Variants in SPAG16 observed in about 807,000 individuals in gnomAD.
SPAG16 encodes the protein sperm associated antigen 16, also known as sperm-associated antigen 16 protein.
SPAG16 carries 86 observed loss-of-function variants against 80.4 expected under a neutral mutation model. The ratio of observed to expected loss-of-function variants is 1.07; its 90% CI spans 0.90 to 1.28. The LOEUF (loss-of-function observed/expected upper bound fraction) is 1.28. Ranked by LOEUF, SPAG16 falls within the 50% of genes most tolerant of loss-of-function variation. The pLI, the probability that SPAG16 is intolerant of heterozygous loss-of-function variation, is 0.00. For missense variants in SPAG16, 870 were observed against 765.3 expected (o/e 1.14, Z -1.61); for synonymous variants, 294 against 265.9 (o/e 1.11, Z -1.03).
intron 4 of SPAG16, 40 bp downstream of exon 4, chr2:213,310,217 A>C (rs541373774): frequency 1.5e-6 from 2 of 1,348,476 alleles, no homozygotes; most frequent in South Asian, 2.5e-5. Flanking sequence ...TTAAAATTCT[A>C]ACATTTAACA....
chr2:213,512,570 G>A (rs545153304), intron 10 of SPAG16, among the ~76,000 whole-genome samples: 2 of 151,692 alleles, frequency 1.3e-5, no homozygotes, highest in East Asian at 1.9e-4. Context: ...CTAAAAATTC[G>A]GCTAGGAGAC....
chr2:213,572,567 G>C (rs2059951856), intron 10 of SPAG16, among the ~76,000 whole-genome samples: 1 of 152,134 alleles, frequency 6.6e-6, no homozygotes, highest in African/African-American at 2.4e-5. Context: ...AGGAGTCAGG[G>C]ACCCACTTGA....
At position 214,177,910 on chromosome 2, in the gene SPAG16, TATATAC is replaced by T. The variant is rs1462108094; in HGVS notation, c.1720+28650_1720+28655del. ...CAGAATATATATATACATATATATA[TATATAC>T]ATATATATATATATATATGGCCAGA... is the stretch of plus-strand genomic sequence containing the variant. On this transcript the variant is annotated intron_variant, in intron 15 of 15. Transcript: ENST00000331683. Among the ~76,000 whole-genome samples, 23 of 70,884 alleles carry T rather than the reference TATATAC, an allele frequency of 3.2e-4. 1 individual carries two copies. The highest frequency in any genetic ancestry group is 1.5e-3 in the Admixed American group (9 of 6,030). 46.5% of individuals were successfully genotyped at this position (70,884 alleles called of 152,430 possible).
Position 213,375,046 on chromosome 2 carries a change from G to A in SPAG16, c.869G>A (p.Gly290Asp), listed in dbSNP as rs779974196. 2 of 1,609,980 alleles carry A rather than the reference G, an allele frequency of 1.2e-6. No homozygotes were observed. Among genetic ancestry groups the A allele is most frequent in the Non-Finnish European group, 1.7e-6 (2 of 1,178,414 alleles). Reference sequence around the variant, plus strand: ...CGTGAAAAAGAAAATGCACCAGAAGGTCCTACTCAGAAAGGTCTTCGTGAA... The same window carrying A: ...CGTGAAAAAGAAAATGCACCAGAAGATCCTACTCAGAAAGGTCTTCGTGAA... ...HSREKENAPE[G>D]PTQKGLREAR... The change falls in exon 9 of 16, where the codon GGT becomes GAT. Residue 290 changes from glycine to aspartate, a missense_variant. Coordinates refer to ENST00000331683, the MANE Select transcript of SPAG16 (RefSeq NM_024532.5).
chr2:213,799,917 T>A (rs905671407), intron 10 of SPAG16, among the ~76,000 whole-genome samples: 2 of 149,930 alleles, frequency 1.3e-5, no homozygotes, highest in Admixed American at 6.7e-5. Context: ...TAAACATGCA[T>A]GTGCAGTGTC....
chr2:213,845,509 G>A (rs1405687483), intron 10 of SPAG16, among the ~76,000 whole-genome samples: 2 of 151,896 alleles, frequency 1.3e-5, no homozygotes, highest in Admixed American at 6.6e-5. Context: ...GTTCTTAATC[G>A]TAATGAACAT....
chr2:213,453,944 T>G (rs2071851116), intron 9 of SPAG16, among the ~76,000 whole-genome samples: 1 of 152,134 alleles, frequency 6.6e-6, no homozygotes, highest in East Asian at 1.9e-4. Context: ...AATGTAAAAT[T>G]TATTCTCATT....
chr2:214,106,341 A>G (rs986862642), intron 13 of SPAG16, among the ~76,000 whole-genome samples: 3 of 152,240 alleles, frequency 2.0e-5, no homozygotes, highest in Admixed American at 6.5e-5. Flanking sequence ...GGATGATTTG[A>G]AGTTCTTAGC....
chr2:213,473,999 A>G (rs2073237086), intron 9 of SPAG16, among the ~76,000 whole-genome samples: 1 of 152,172 alleles, frequency 6.6e-6, no homozygotes, highest in Non-Finnish European at 1.5e-5. Flanking sequence ...CTGTTGCTTC[A>G]GGCAGCACAG....
At chr2:214,295,367 AG>A (rs1694060418) in intron 15 of SPAG16, among the ~76,000 whole-genome samples, 1 of 152,200 alleles carries the variant, frequency 6.6e-6, no homozygotes, top group Non-Finnish European at 1.5e-5. Context: ...CTAATGAAAC[AG>A]TTTTTGCTAG....
intron 12 of SPAG16, among the ~76,000 whole-genome samples, chr2:214,010,092 A>T (rs1424111911): frequency 6.8e-6 from 1 of 146,564 alleles, no homozygotes; most frequent in Non-Finnish European, 1.5e-5. Flanking sequence ...TATATAATAA[A>T]ATGTCAAAAG....
At chr2:213,844,022 G>A (rs1212359402) in intron 10 of SPAG16, among the ~76,000 whole-genome samples, 1 of 152,094 alleles carries the variant, frequency 6.6e-6, no homozygotes, top group South Asian at 2.1e-4. Context: ...GGCAAGTATG[G>A]GTGGCAGTAA....
At chr2:214,251,492 T>C (rs1437647735) in intron 15 of SPAG16, among the ~76,000 whole-genome samples, 4 of 152,100 alleles carry the variant, frequency 2.6e-5, no homozygotes, top group Non-Finnish European at 1.5e-5. Context: ...AATAACTGAG[T>C]ACAGCTGATA....
At chr2:214,303,672 A>ATT (rs1694716789) in intron 15 of SPAG16, among the ~76,000 whole-genome samples, 1 of 152,180 alleles carries the variant, frequency 6.6e-6, no homozygotes, top group African/African-American at 2.4e-5. Context: ...CACTCCTAGC[A>ATT]AGATCCGATA....
intron 15 of SPAG16, among the ~76,000 whole-genome samples, chr2:214,225,259 C>T (rs1419892796): frequency 6.6e-6 from 1 of 152,082 alleles, no homozygotes; most frequent in Non-Finnish European, 1.5e-5. Context: ...CCTTGCTGGC[C>T]ATTTGGGGAC....
intron 10 of SPAG16, among the ~76,000 whole-genome samples, chr2:213,530,012 GATCTTCAGAGATT>G (rs1048262799): frequency 1.3e-5 from 2 of 152,106 alleles, no homozygotes; most frequent in African/African-American, 4.8e-5. Flanking sequence ...CCCACTGGAC[GATCTTCAGAGATT>G]ATCTTCAGAG....
At chr2:214,293,469 C>T (rs1476263949) in intron 15 of SPAG16, among the ~76,000 whole-genome samples, 2 of 152,148 alleles carry the variant, frequency 1.3e-5, no homozygotes, top group African/African-American at 2.4e-5. Flanking sequence ...GGAATGTGTG[C>T]TTGGGTACTG....
At chr2:213,511,618 G>T (rs2075229069) in intron 10 of SPAG16, among the ~76,000 whole-genome samples, 1 of 151,978 alleles carries the variant, frequency 6.6e-6, no homozygotes, top group African/African-American at 2.4e-5. Context: ...TGCTTTGTAT[G>T]TGTATCATGC....
In SPAG16 at chr2:213,317,474, A is replaced by G. The variant is rs1315682473; in HGVS notation, c.536+118A>G. The G allele has an allele frequency of 6.6e-6, 9 of 1,362,520 alleles. No homozygotes were observed. In the Middle Eastern group the frequency reaches 1.1e-3, roughly 167 times the overall value. 84.4% of individuals were successfully genotyped at this position (1,362,520 alleles called of 1,614,324 possible). On this transcript the variant is annotated intron_variant, in intron 5 of 15. Transcript: ENST00000331683. ...TAATTTTTGAAAACTGAATTTTTCT[A>G]GTTGTAAAGAATGTGAGAGGCTTCA...
Sources: allele counts gnomAD v4.1 joint callset (sites outside exome capture counted in the v4.1 genomes callset), GRCh38; gene constraint gnomAD v4.1.1; transcripts MANE v1.5; gene names NCBI Gene and HGNC (gene_info 2026-07-23, HGNC 2026-07-21).